Variants in HTR4 observed in about 807,000 individuals in gnomAD.
HTR4 encodes 5-hydroxytryptamine receptor 4, also known as 5-hydroxytryptamine (serotonin) receptor 4, G protein-coupled.
In HTR4, 16 loss-of-function variants were observed where a neutral mutation model predicts 36.8. The ratio of observed to expected loss-of-function variants is 0.43; its 90% CI spans 0.29 to 0.66. HTR4 has a LOEUF of 0.66. Ranked by LOEUF, HTR4 falls within the 30% of genes least tolerant of loss-of-function variation. The pLI is 0.13. For synonymous variants in HTR4, 189 were observed against 185.1 expected, an observed-to-expected ratio of 1.02 and a Z score of -0.17; for missense variants, 438 against 490.9, an observed-to-expected ratio of 0.89 and a Z score of 1.02.
intron 1 of HTR4, among the ~76,000 whole-genome samples, chr5:148,642,772 C>G (rs1753767053): frequency 6.6e-6 from 1 of 152,168 alleles, no homozygotes; most frequent in African/African-American, 2.4e-5. Flanking sequence ...TGGCTATTTA[C>G]TTGGATTTTG....
At chr5:148,518,410 G>A (rs908631124) in intron 5 of HTR4, among the ~76,000 whole-genome samples, 1 of 152,116 alleles carries the variant, frequency 6.6e-6, no homozygotes, top group Non-Finnish European at 1.5e-5. Context: ...TAGAGCAAAA[G>A]AATATGTAAA....
intron 5 of HTR4, among the ~76,000 whole-genome samples, chr5:148,464,917 T>C (rs1755384922): frequency 6.6e-6 from 1 of 152,152 alleles, no homozygotes; most frequent in Admixed American, 6.5e-5. Context: ...TATCAAACCA[T>C]GAACAGACAT....
At chr5:148,530,829 T>G (rs1758525805) in intron 4 of HTR4, among the ~76,000 whole-genome samples, 1 of 152,098 alleles carries the variant, frequency 6.6e-6, no homozygotes, top group African/African-American at 2.4e-5. Context: ...CAGTGGAGCT[T>G]CCCAAGACCA....
At chr5:148,452,121 CT>C (rs1448695812) in intron 5 of HTR4, among the ~76,000 whole-genome samples, 3 of 152,128 alleles carry the variant, frequency 2.0e-5, no homozygotes, top group Non-Finnish European at 4.4e-5. Context: ...TGATGCTTTG[CT>C]TTGAATTACA....
At chr5:148,637,556 G>A (rs754544268) in intron 1 of HTR4, among the ~76,000 whole-genome samples, 7 of 151,968 alleles carry the variant, frequency 4.6e-5, no homozygotes, top group Non-Finnish European at 7.4e-5. Flanking sequence ...AAATAGATAC[G>A]CATGCACACA....
chr5:148,636,625 A>T (rs947744607), intron 2 of HTR4, among the ~76,000 whole-genome samples: 8 of 152,208 alleles, frequency 5.3e-5, no homozygotes, highest in African/African-American at 1.7e-4. Flanking sequence ...CCTGCTATAA[A>T]AAGCAACGTG....
chr5:148,523,251 G>T lies in HTR4; in HGVS notation c.449C>A (p.Thr150Lys). ...LMLGGCWVIP[T>K]FISFLPIMQG... ...CATTATAGGGAGAAAAGAAATAAAC[G>T]TGGGGATGACCCAGCAGCCTCCCAG... is the stretch of plus-strand genomic sequence containing the variant. The change falls in exon 5 of 7, where the codon ACG becomes AAG. Residue 150 changes from threonine (T) to lysine (K), a missense_variant. Coordinates refer to ENST00000377888, the MANE Select transcript of HTR4 (RefSeq NM_000870.7). 6.2e-7 allele frequency: 1 copy of T among 1,613,484 alleles called. No individual in the cohort carries two copies. The highest frequency in any genetic ancestry group is 8.5e-7 in the Non-Finnish European group (1 of 1,179,672).
intron 5 of HTR4, among the ~76,000 whole-genome samples, chr5:148,519,011 AT>A (rs576256377): frequency 5.9e-5 from 9 of 151,974 alleles, no homozygotes; most frequent in African/African-American, 2.2e-4. Flanking sequence ...ATGAACTGAA[AT>A]TTTTTTTACC....
intron 1 of HTR4, among the ~76,000 whole-genome samples, chr5:148,644,421 A>AGTT (rs1753816356): frequency 1.2e-5 from 1 of 85,850 alleles, no homozygotes; most frequent in African/African-American, 4.5e-5. Flanking sequence ...CAAGCTCACA[A>AGTT]GTTTTTTTTT....
intron 2 of HTR4, among the ~76,000 whole-genome samples, chr5:148,580,204 A>G (rs1761080628): frequency 6.6e-6 from 1 of 152,096 alleles, no homozygotes; most frequent in African/African-American, 2.4e-5. Flanking sequence ...AGTACTGATT[A>G]TGCTCAGGAT....
chr5:148,527,609 C>T (rs1397351519), intron 4 of HTR4, among the ~76,000 whole-genome samples: 5 of 152,098 alleles, frequency 3.3e-5, no homozygotes, highest in Admixed American at 2.0e-4. Flanking sequence ...ACACATTTTA[C>T]CAATCCCTTA....
intron 2 of HTR4, among the ~76,000 whole-genome samples, chr5:148,567,270 G>A (rs1760483924): frequency 6.6e-6 from 1 of 152,142 alleles, no homozygotes; most frequent in South Asian, 2.1e-4. Flanking sequence ...ACTTTGTCCT[G>A]AATCTAACCA....
chr5:148,472,810 G>A (rs1485664851), downstream of HTR4, among the ~76,000 whole-genome samples: 2 of 152,150 alleles, frequency 1.3e-5, no homozygotes, highest in Non-Finnish European at 2.9e-5. Flanking sequence ...CTCTGAATTG[G>A]GCACTGTGTT....
At chr5:148,494,382 C>A (rs1756589807) in intron 6 of HTR4, among the ~76,000 whole-genome samples, 1 of 152,126 alleles carries the variant, frequency 6.6e-6, no homozygotes, top group East Asian at 1.9e-4. Flanking sequence ...GGTAAGTTAT[C>A]ATAGTTGTTA....
chr5:148,637,660 C>T (rs1054507989), intron 1 of HTR4, among the ~76,000 whole-genome samples: 1 of 152,102 alleles, frequency 6.6e-6, no homozygotes, highest in Admixed American at 6.5e-5. Flanking sequence ...AATTCCCAAT[C>T]GAAGGAGAGT....
chr5:148,552,041 T>C (rs1029327896), intron 2 of HTR4, among the ~76,000 whole-genome samples: 3 of 152,252 alleles, frequency 2.0e-5, no homozygotes, highest in Admixed American at 6.5e-5. Flanking sequence ...TCCTGAGCTC[T>C]TTTGACTGAA....
chr5:148,582,114 CT>C (rs931045346), intron 2 of HTR4, among the ~76,000 whole-genome samples: 10 of 151,640 alleles, frequency 6.6e-5, no homozygotes, highest in Middle Eastern at 3.4e-3. Context: ...GTTTTCTTGA[CT>C]TTTTTTTGGA....
chr5:148,508,371 C>T (rs1281037593), intron 6 of HTR4, among the ~76,000 whole-genome samples: 1 of 152,146 alleles, frequency 6.6e-6, no homozygotes, highest in Non-Finnish European at 1.5e-5. Flanking sequence ...AATTCTAGCC[C>T]AGGGTGACCA....
intron 6 of HTR4, among the ~76,000 whole-genome samples, chr5:148,487,300 A>G (rs1485791387): frequency 6.6e-6 from 1 of 152,130 alleles, no homozygotes; most frequent in Non-Finnish European, 1.5e-5. Flanking sequence ...GAAATCATTT[A>G]TGTGGTGGGA....
Sources: gnomAD v4.1 joint callset for allele counts (sites outside exome capture counted in the v4.1 genomes callset) on GRCh38, gnomAD v4.1.1 for gene constraint, MANE v1.5 for transcripts, NCBI Gene and HGNC (gene_info 2026-07-23, HGNC 2026-07-21) for gene names.